Variants in DOCK4 observed in about 807,000 individuals in gnomAD.
DOCK4 encodes dedicator of cytokinesis 4, also known as dedicator of cytokinesis protein 4.
Under a neutral mutation model 268.1 loss-of-function variants are expected in DOCK4, and 97 were observed. The ratio of observed to expected loss-of-function variants is 0.36; its 90% CI spans 0.31 to 0.43. The LOEUF (loss-of-function observed/expected upper bound fraction) is 0.43. Ranked by LOEUF, DOCK4 falls within the 20% of genes least tolerant of loss-of-function variation. The pLI is 1.00. For missense variants in DOCK4, 2,145 were observed against 2,455.7 expected (o/e 0.87, Z 2.67); for synonymous variants, 954 against 887.2 (o/e 1.08, Z -1.34).
intron 1 of DOCK4, among the ~76,000 whole-genome samples, chr7:112,063,940 C>T (rs1024597875): frequency 1.3e-5 from 2 of 152,144 alleles, no homozygotes; most frequent in Admixed American, 1.3e-4. Flanking sequence ...AGGGAAGGGG[C>T]TATCTTTGAG....
At position 112,126,429 on chromosome 7, in the gene DOCK4, T is replaced by C. The variant is rs536383316; in HGVS notation, c.37+79673A>G. On this transcript the variant is annotated intron_variant, in intron 1 of 52. Transcript: ENST00000428084. ...CATCTCCCTGACTTCCAATTCCTCA[T>C]ATTAGATCAGCTCCCCGCTTAGTGT... Among the ~76,000 whole-genome samples the C allele has an allele frequency of 3.9e-5, 6 of 152,318 alleles. No homozygotes were observed. In the South Asian group the frequency reaches 1.0e-3, roughly 26 times the overall value.
intron 1 of DOCK4, among the ~76,000 whole-genome samples, chr7:112,160,779 C>G (rs1292183855): frequency 6.6e-6 from 1 of 152,206 alleles, no homozygotes; most frequent in Non-Finnish European, 1.5e-5. Context: ...AAACAACTTA[C>G]TTGTACTTGG....
chr7:111,777,692 T>C (rs931222576), intron 36 of DOCK4, among the ~76,000 whole-genome samples: 5 of 152,092 alleles, frequency 3.3e-5, no homozygotes, highest in African/African-American at 1.2e-4. Context: ...CCATATGTCA[T>C]GGGAGGGACA....
intron 5 of DOCK4, among the ~76,000 whole-genome samples, chr7:111,990,513 A>T (rs1799436740): frequency 6.6e-6 from 1 of 152,162 alleles, no homozygotes; most frequent in Admixed American, 6.5e-5. Context: ...TTTTTATTTT[A>T]AAAAGTAGTG....
Position 112,018,179 on chromosome 7 carries a change from A to AAACAC in DOCK4, c.38-14049_38-14048insGTGTT. 1.5e-3 allele frequency among the ~76,000 whole-genome samples: 108 copies of AAACAC among 72,628 alleles called. 12 individuals are homozygous for AAACAC. The highest frequency in any genetic ancestry group is 4.1e-3 in the African/African-American group (76 of 18,510). 47.6% of individuals were successfully genotyped at this position (72,628 alleles called of 152,430 possible). ...AAAAAAAAAAAAAAAAAAAAAAAAAAACACAGGCAACCAGTATTCATGTGG... is the reference window on the plus strand; with the variant it reads ...AAAAAAAAAAAAAAAAAAAAAAAAAAAACACACACAGGCAACCAGTATTCATGTGG... On this transcript the variant is annotated intron_variant, in intron 1 of 52. Transcript: ENST00000428084.
At chr7:111,899,242 T>C (rs537947823) in intron 15 of DOCK4, among the ~76,000 whole-genome samples, 9 of 152,358 alleles carry the variant, frequency 5.9e-5, no homozygotes, top group African/African-American at 2.2e-4. Flanking sequence ...TGCCTGAACC[T>C]TGGGTAAAAT....
intron 26 of DOCK4, among the ~76,000 whole-genome samples, chr7:111,827,136 T>C (rs1422311750): frequency 6.6e-6 from 1 of 152,166 alleles, no homozygotes; most frequent in Non-Finnish European, 1.5e-5. Flanking sequence ...ATTTCAAACG[T>C]ATAATACCCT....
chr7:112,191,618 C>A (rs1331442461), intron 1 of DOCK4, among the ~76,000 whole-genome samples: 1 of 152,152 alleles, frequency 6.6e-6, no homozygotes. Flanking sequence ...GCCCATAGAA[C>A]CCCAAAGCCT....
At chr7:112,152,581 G>A (rs1363644225) in intron 1 of DOCK4, among the ~76,000 whole-genome samples, 1 of 152,152 alleles carries the variant, frequency 6.6e-6, no homozygotes, top group African/African-American at 2.4e-5. Flanking sequence ...CCCTGCCATC[G>A]ATTTTAAATC....
intron 29 of DOCK4, 75 bp downstream of exon 29, chr7:111,809,226 C>T (rs1800898071): frequency 8.3e-7 from 1 of 1,212,072 alleles, no homozygotes; most frequent in Non-Finnish European, 1.2e-6. Context: ...TATGCGCATT[C>T]TGATTTATGA....
intron 1 of DOCK4, among the ~76,000 whole-genome samples, chr7:112,067,242 TAAA>T (rs76863833): frequency 1.5e-5 from 2 of 136,136 alleles, no homozygotes; most frequent in Non-Finnish European, 1.6e-5. Context: ...CACCTTTACT[TAAA>T]AAAAAAAAAA....
chr7:111,804,419 C>T (rs1800520553), intron 30 of DOCK4, among the ~76,000 whole-genome samples: 1 of 151,960 alleles, frequency 6.6e-6, no homozygotes. Flanking sequence ...AATGGTAGTA[C>T]CAGGGGCTGG....
chr7:111,869,665 A>G lies in DOCK4; in HGVS notation c.2028-10T>C, dbSNP rs1303567407. 1.2e-6 allele frequency: 2 copies of G among 1,611,418 alleles called. No individual in the cohort carries two copies. The highest frequency in any genetic ancestry group is 2.2e-5 in the East Asian group (1 of 44,808). On this transcript the variant is annotated splice_polypyrimidine_tract_variant and intron_variant, in intron 20 of 52. Coordinates refer to ENST00000428084, the MANE Select transcript of DOCK4 (RefSeq NM_001363540.2). The stretch of plus-strand genomic sequence containing the variant: ...CACTTTGATGAGATCTCTAAAATAC[A>G]GGGGAAAATGTGCAGAATGTAAAAT...
chr7:111,837,249 G>GA lies in DOCK4; in HGVS notation c.2737-2564dup, dbSNP rs541987065. 6.7e-3 allele frequency among the ~76,000 whole-genome samples: 1,013 copies of GA among 150,890 alleles called. 7 individuals are homozygous for GA. The highest frequency in any genetic ancestry group is 0.022 in the African/African-American group (905 of 41,198). Reference sequence around the variant, plus strand: ...AGCAACAGCTTCAGAGAACTAAAAGGAAAAAAAACCCCAAAAACTATTAAC... The same window carrying GA: ...AGCAACAGCTTCAGAGAACTAAAAGGAAAAAAAAACCCCAAAAACTATTAAC... On this transcript the variant is annotated intron_variant, in intron 25 of 52. Transcript: ENST00000428084.
intron 1 of DOCK4, among the ~76,000 whole-genome samples, chr7:112,063,461 A>G (rs796677311): frequency 8.5e-5 from 13 of 152,344 alleles, no homozygotes; most frequent in African/African-American, 3.1e-4. Context: ...GAACACTTAC[A>G]GTAAGCCCAC....
At chr7:111,972,820 T>C (rs1797828005) in intron 8 of DOCK4, among the ~76,000 whole-genome samples, 1 of 151,956 alleles carries the variant, frequency 6.6e-6, no homozygotes, top group Non-Finnish European at 1.5e-5. Flanking sequence ...CTTCTATCTT[T>C]AATTTTTTTT....
intron 1 of DOCK4, among the ~76,000 whole-genome samples, chr7:112,115,538 C>A (rs1359852534): frequency 1.3e-5 from 2 of 152,158 alleles, no homozygotes; most frequent in Non-Finnish European, 1.5e-5. Context: ...GGAGGTAGCA[C>A]CTTGCCTCAC....
intron 5 of DOCK4, among the ~76,000 whole-genome samples, chr7:111,992,065 T>C (rs1428012942): frequency 6.6e-6 from 1 of 150,690 alleles, no homozygotes; most frequent in Non-Finnish European, 1.5e-5. Flanking sequence ...CAGTAAAAGA[T>C]GGCTGCTATA....
At chr7:112,069,385 T>C (rs1807373095) in intron 1 of DOCK4, among the ~76,000 whole-genome samples, 1 of 152,210 alleles carries the variant, frequency 6.6e-6, no homozygotes, top group Non-Finnish European at 1.5e-5. Context: ...CTCAGCCTAA[T>C]GAGGTAAGTA....
Sources: gnomAD v4.1 joint callset for allele counts (sites outside exome capture counted in the v4.1 genomes callset) on GRCh38, gnomAD v4.1.1 for gene constraint, MANE v1.5 for transcripts, NCBI Gene and HGNC (gene_info 2026-07-23, HGNC 2026-07-21) for gene names.